The following SLC14A1 variants were observed in gnomAD, a reference collection of about 807,000 sequenced individuals.
The protein encoded by SLC14A1 is solute carrier family 14 member 1 (Kidd blood group).
A neutral mutation model predicts 39.6 loss-of-function variants in SLC14A1; 36 were observed. The observed-to-expected ratio is 0.91, with a 90% CI of 0.70 to 1.20. The LOEUF (loss-of-function observed/expected upper bound fraction) is 1.20, where lower values mean the gene tolerates loss of function less well. Among genes scored for constraint, SLC14A1 ranks in the 50% most tolerant of loss-of-function variants. The probability of loss-of-function intolerance (pLI) is 0.00; values close to 1 mark genes in which losing one functional copy is unlikely to be tolerated. For missense variants in SLC14A1, 469 were observed against 478.7 expected (o/e 0.98, Z 0.19); for synonymous variants, 164 against 173.6 (o/e 0.94, Z 0.43).
rs773810032 is a variant in SLC14A1 at position 45,749,914 on chromosome 18, T to C, written c.1133T>C (p.Leu378Pro). Residue 378 changes from leucine to proline, a missense_variant, in exon 10 of 10, where the codon CTG becomes CCG. Physicochemically the swap from Leu to Pro is moderately conservative, Grantham distance 98 (BLOSUM62 -3). Coordinates refer to ENST00000321925, the MANE Select transcript of SLC14A1 (RefSeq NM_015865.7). ...CCTGAAGAAAACCGCATCTTCTACC[T>C]GCAAGCCAAGAAAAGAATGGTGGAA... ...TYPEENRIFY[L>P]QAKKRMVESP... The C allele has an allele frequency of 6.2e-7, 1 of 1,614,128 alleles. No homozygotes were observed. Among genetic ancestry groups the C allele is most frequent in the South Asian group, 1.1e-5 (1 of 91,078 alleles).
rs377124382 is a variant in SLC14A1 at position 45,731,023 on chromosome 18, G to A, written c.160G>A (p.Val54Met). The change falls in exon 4 of 10, where the codon GTG (valine) becomes ATG (methionine). Residue 54 changes from valine (V) to methionine (M), a missense_variant. Coordinates refer to ENST00000321925, the MANE Select transcript of SLC14A1 (RefSeq NM_015865.7). Reference sequence around the variant, plus strand: ...TACCTCATCCCTTCCAGACAAACCCGTGGTGCTCCAGTTCATTGACTGGAT... The same window carrying A: ...TACCTCATCCCTTCCAGACAAACCCATGGTGCTCCAGTTCATTGACTGGAT... Reference protein sequence around the residue: ...ELANQLKDKPVVLQFIDWILR... With the variant: ...ELANQLKDKPMVLQFIDWILR... The A allele has an allele frequency of 3.2e-5, 51 of 1,614,116 alleles. No homozygotes were observed. Among genetic ancestry groups the A allele is most frequent in the South Asian group, 5.5e-5 (5 of 91,084 alleles).
At chr18:45,732,237 G>C (rs2047051320) in intron 4 of SLC14A1, among the ~76,000 whole-genome samples, 2 of 152,212 alleles carry the variant, frequency 1.3e-5, no homozygotes, top group South Asian at 4.1e-4. Flanking sequence ...TCCTTGGTCT[G>C]AAAAGACTGC....
rs1455088688 is a variant in SLC14A1, at chr18:45,730,443, C to T, written c.123C>T (p.Asp41=). Residue 41 remains aspartate, a synonymous_variant, in exon 3 of 10, where the codon GAC becomes GAT. Coordinates refer to ENST00000321925, the MANE Select transcript of SLC14A1 (RefSeq NM_015865.7). ...AAGCTCTTGGCTATGTCACCGGTGA[C>T]ATGAAAGAACTTGCCAACCAGCTTA... ...FPKALGYVTG[D]MKELANQLKD... is the part of the protein sequence containing the mutation. The T allele has an allele frequency of 6.2e-7, 1 of 1,614,154 alleles. No individual in the cohort carries two copies. The highest frequency in any genetic ancestry group is 1.1e-5 in the South Asian group (1 of 91,088).
In SLC14A1 at chr18:45,750,088, C is replaced by G; in HGVS notation, c.*137C>G. ...GACGCGTCTGTAATCTGTTCTTATGCTCATTTTGTATTTTCCTTTCAACTC... is the reference window on the plus strand; with the variant it reads ...GACGCGTCTGTAATCTGTTCTTATGGTCATTTTGTATTTTCCTTTCAACTC... On this transcript the variant is annotated 3_prime_UTR_variant, in exon 10 of 10. Coordinates refer to ENST00000321925, the MANE Select transcript of SLC14A1 (RefSeq NM_015865.7). 2 of 1,571,246 alleles carry G rather than the reference C, an allele frequency of 1.3e-6. No homozygotes were observed. The highest frequency in any genetic ancestry group is 1.7e-6 in the Non-Finnish European group (2 of 1,164,962).
intron 2 of SLC14A1, among the ~76,000 whole-genome samples, chr18:45,725,839 C>A (rs2046850086): frequency 6.6e-6 from 1 of 152,134 alleles, no homozygotes; most frequent in Admixed American, 6.5e-5. Flanking sequence ...AAAATCCTAC[C>A]TAGCTCTCAA....
In SLC14A1 at chr18:45,731,328, G is replaced by A. The variant is rs2047024267; in HGVS notation, c.341+124G>A. 4 of 921,654 alleles carry A rather than the reference G, an allele frequency of 4.3e-6. No homozygotes were observed. In the South Asian group the frequency reaches 5.5e-5, roughly 13 times the overall value. The allele number at this position is 921,654 out of a possible 1,614,324, so 57.1% of individuals were successfully genotyped here. On this transcript the variant is annotated intron_variant, in intron 4 of 9. Coordinates refer to ENST00000321925, the MANE Select transcript of SLC14A1 (RefSeq NM_015865.7). ...TAAACAACATTTAGTCCACAGAACT[G>A]TTTATATTTGTTTTTAGTCAGAGGT...
Position 45,751,048 on chromosome 18 carries a change from A to G in SLC14A1, c.*1097A>G. 2 of 984,584 alleles carry G rather than the reference A, an allele frequency of 2.0e-6. No individual in the cohort carries two copies. The highest frequency in any genetic ancestry group is 2.4e-6 in the Non-Finnish European group (2 of 829,164). 61.0% of individuals were successfully genotyped at this position (984,584 alleles called of 1,614,324 possible). On this transcript the variant is annotated 3_prime_UTR_variant, in exon 10 of 10. Coordinates refer to ENST00000321925, the MANE Select transcript of SLC14A1 (RefSeq NM_015865.7). ...ATCAATGGCATTTGAACCACCAAAA[A>G]GAAATAAAGGGCTGAGTGCGGTGGC...
intron 4 of SLC14A1, 181 bp downstream of exon 4, chr18:45,731,385 T>A: frequency 1.5e-6 from 1 of 674,854 alleles, no homozygotes; most frequent in Non-Finnish European, 2.7e-6. Context: ...TTGCTCTTGA[T>A]ATCTGAATAA....
Position 45,752,421 on chromosome 18 carries a change from T to C in SLC14A1, c.*2470T>C, listed in dbSNP as rs1486715472. 3.4e-5 allele frequency: 7 copies of C among 207,356 alleles called. No individual in the cohort carries two copies. In the Admixed American group the frequency reaches 4.6e-4, roughly 14 times the overall value. 12.8% of individuals were successfully genotyped at this position (207,356 alleles called of 1,614,324 possible). On this transcript the variant is annotated 3_prime_UTR_variant, in exon 10 of 10. Transcript: ENST00000321925. ...TCTCAAGCTATTTTTGTTACTATTTTCCTAAAATTGAATATTTGCAGGGAG... is the reference window on the plus strand; with the variant it reads ...TCTCAAGCTATTTTTGTTACTATTTCCCTAAAATTGAATATTTGCAGGGAG...
Position 45,734,320 on chromosome 18 carries a change from G to A in SLC14A1, c.388G>A (p.Gly130Arg). ...CTATGGCTACAATGCCACCCTGGTG[G>A]GAGTACTCATGGCTGTCTTTTCGGA... ...GLYGYNATLV[G>R]VLMAVFSDKG... Residue 130 changes from glycine to arginine, a missense_variant, in exon 5 of 10, where the codon GGA becomes AGA. Transcript: ENST00000321925. 3.7e-6 allele frequency: 6 copies of A among 1,614,020 alleles called. No homozygotes were observed. The highest frequency in any genetic ancestry group is 3.4e-6 in the Non-Finnish European group (4 of 1,179,982).
At chr18:45,736,126 G>T (rs1016623467) in intron 5 of SLC14A1, among the ~76,000 whole-genome samples, 7 of 152,108 alleles carry the variant, frequency 4.6e-5, no homozygotes, top group Admixed American at 1.3e-4. Context: ...AGGGACAAAG[G>T]GGACTTTAAC....
At chr18:45,731,673 C>G (rs1414344421) in intron 4 of SLC14A1, 2 of 220,000 alleles carry the variant, frequency 9.1e-6, no homozygotes, top group Non-Finnish European at 1.8e-5. Context: ...AAAGAATAAC[C>G]ATGAATTCCA....
intron 4 of SLC14A1, 92 bp from the exon 5 acceptor site, chr18:45,734,182 G>T: frequency 1.4e-6 from 2 of 1,469,122 alleles, no homozygotes; most frequent in Admixed American, 3.4e-5. Flanking sequence ...TTTTTAATAT[G>T]AATATGATCT....
chr18:45,745,709 T>A (rs1311758628), intron 8 of SLC14A1, among the ~76,000 whole-genome samples: 4 of 152,232 alleles, frequency 2.6e-5, no homozygotes, highest in African/African-American at 4.8e-5. Flanking sequence ...TTTCAGTGGA[T>A]GCCAACTTCA....
chr18:45,727,206 GC>G, intron 2 of SLC14A1: 1 of 1,521,904 alleles, frequency 6.6e-7, no homozygotes, highest in East Asian at 2.5e-5. Flanking sequence ...GGTCATTAGA[GC>G]TAGGGCACAC....
At chr18:45,740,289 C>A (rs1204877320) in intron 8 of SLC14A1, among the ~76,000 whole-genome samples, 1 of 152,142 alleles carries the variant, frequency 6.6e-6, no homozygotes, top group Admixed American at 6.5e-5. Context: ...TTACATTTAC[C>A]CCTTTGAGTG....
intron 2 of SLC14A1, among the ~76,000 whole-genome samples, chr18:45,725,823 G>T (rs541022483): frequency 2.8e-4 from 43 of 152,228 alleles, no homozygotes; most frequent in South Asian, 1.0e-3. Context: ...GAACTACGTG[G>T]TCTCTAAAAT....
At chr18:45,725,147 T>C in intron 2 of SLC14A1, 134 bp downstream of exon 2, 1 of 152,226 alleles carries the variant, frequency 6.6e-6, no homozygotes, top group Non-Finnish European at 1.5e-5. Context: ...CATGGAAAAT[T>C]GAAGACTTCA....
At chr18:45,736,145 T>C (rs3819177) in intron 5 of SLC14A1, among the ~76,000 whole-genome samples, 63,522 of 151,818 alleles carry the variant, frequency 0.42, 14,007 homozygotes, top group East Asian at 0.53. Context: ...ACTATGTAGA[T>C]AATATTTTAT....
Sources: gnomAD v4.1 joint callset for allele counts (sites outside exome capture counted in the v4.1 genomes callset) on GRCh38, gnomAD v4.1.1 for gene constraint, MANE v1.5 for transcripts, NCBI Gene and HGNC (gene_info 2026-07-23, HGNC 2026-07-21) for gene names.